The following SUGCT variants were observed in gnomAD, a reference collection of about 807,000 sequenced individuals.
The protein encoded by SUGCT is succinyl-CoA:glutarate-CoA transferase, also known as succinyl-CoA:glutarate CoA-transferase.
SUGCT carries 41 observed loss-of-function variants against 55.0 expected under a neutral mutation model. The ratio of observed to expected loss-of-function variants is 0.74; its 90% confidence interval spans 0.58 to 0.97. The LOEUF (loss-of-function observed/expected upper bound fraction) is 0.97. SUGCT is among the 50% of genes least tolerant of loss of function. The probability of loss-of-function intolerance (pLI) is 0.00; values close to 1 mark genes in which losing one functional copy is unlikely to be tolerated. For synonymous variants in SUGCT, 187 were observed against 200.4 expected (o/e 0.93, Z 0.56); for missense variants, 568 against 547.8 (o/e 1.04, Z -0.37).
chr7:40,446,058 A>G (rs924980620), intron 9 of SUGCT, among the ~76,000 whole-genome samples: 1 of 152,120 alleles, frequency 6.6e-6, no homozygotes, highest in East Asian at 1.9e-4. Flanking sequence ...TGGAGCTTCC[A>G]TTTCCTCCCA....
rs144851275 is a variant in SUGCT at position 40,343,039 on chromosome 7, T to C, written c.816+26184T>C. 1.8e-4 allele frequency among the ~76,000 whole-genome samples: 27 copies of C among 152,296 alleles called. No individual in the cohort carries two copies. The East Asian group carries it at 5.2e-3, about 29-fold the overall frequency. On this transcript the variant is annotated intron_variant, in intron 9 of 13. Transcript: ENST00000335693. ...TAGACACATGGCATATAAGAAGGTT[T>C]CTATGTGAAGTAATGACTGTTGGTG...
At chr7:40,498,813 G>A (rs1340795356) in intron 12 of SUGCT, among the ~76,000 whole-genome samples, 1 of 152,160 alleles carries the variant, frequency 6.6e-6, no homozygotes, top group Admixed American at 6.5e-5. Flanking sequence ...ACTTACCTTT[G>A]TGTAGTGGAT....
intron 12 of SUGCT, among the ~76,000 whole-genome samples, chr7:40,518,618 T>C (rs1050204205): frequency 2.0e-5 from 3 of 152,138 alleles, no homozygotes; most frequent in African/African-American, 7.2e-5. Flanking sequence ...GTATCCCAGA[T>C]GTCAGGAACT....
At chr7:40,661,660 C>G (rs1047977990) in intron 12 of SUGCT, among the ~76,000 whole-genome samples, 1 of 152,118 alleles carries the variant, frequency 6.6e-6, no homozygotes, top group Non-Finnish European at 1.5e-5. Context: ...CAACCAGATC[C>G]CCATTGATCT....
At chr7:40,670,388 C>T (rs963243981) in intron 12 of SUGCT, among the ~76,000 whole-genome samples, 4 of 151,652 alleles carry the variant, frequency 2.6e-5, no homozygotes, top group African/African-American at 9.7e-5. Context: ...ATGAAAAGAC[C>T]AATAAAATTG....
At chr7:40,833,021 T>C (rs947924907) in intron 13 of SUGCT, among the ~76,000 whole-genome samples, 1 of 152,010 alleles carries the variant, frequency 6.6e-6, no homozygotes, top group African/African-American at 2.4e-5. Context: ...CCTCGGTCCA[T>C]AGACCTCTGC....
At chr7:40,479,401 T>C (rs970536616) in intron 11 of SUGCT, among the ~76,000 whole-genome samples, 4 of 152,160 alleles carry the variant, frequency 2.6e-5, no homozygotes, top group African/African-American at 2.4e-5. Context: ...GTTTGTAGCC[T>C]AGCAGCAATA....
At chr7:40,194,328 C>T (rs1276326322) in intron 5 of SUGCT, among the ~76,000 whole-genome samples, 1 of 152,152 alleles carries the variant, frequency 6.6e-6, no homozygotes, top group Non-Finnish European at 1.5e-5. Flanking sequence ...GTGGCGCCAT[C>T]ACGGCTCATT....
intron 1 of SUGCT, among the ~76,000 whole-genome samples, chr7:40,156,702 A>G (rs1783914172): frequency 6.6e-6 from 1 of 152,158 alleles, no homozygotes; most frequent in Non-Finnish European, 1.5e-5. Flanking sequence ...TTTTAGGTAG[A>G]TGTCAGGTAT....
intron 7 of SUGCT, among the ~76,000 whole-genome samples, chr7:40,248,896 ACACACACACACACG>A (rs1790103223): frequency 3.2e-5 from 4 of 124,916 alleles, no homozygotes; most frequent in South Asian, 2.7e-4. Flanking sequence ...TCGCACACAC[ACACACACACACACG>A]CACACACACA....
rs200258086 is a variant in SUGCT at position 40,367,375 on chromosome 7, C to G, written c.816+50520C>G. ...GGCACATGTATACATATGTAACTAACCTGCACATTTTGCACCTATACCCTA... is the reference window on the plus strand; with the variant it reads ...GGCACATGTATACATATGTAACTAAGCTGCACATTTTGCACCTATACCCTA... On this transcript the variant is annotated intron_variant, in intron 9 of 13. Transcript: ENST00000335693. Among the ~76,000 whole-genome samples the G allele has an allele frequency of 1.9e-4, 28 of 151,304 alleles. 3 individuals carry two copies. In the East Asian group the frequency reaches 5.5e-3, roughly 29 times the overall value.
At chr7:40,653,233 T>C (rs531087592) in intron 12 of SUGCT, among the ~76,000 whole-genome samples, 113 of 152,310 alleles carry the variant, frequency 7.4e-4, no homozygotes, top group African/African-American at 2.7e-3. Context: ...TGGCATATAT[T>C]AAATGCATTT....
chr7:40,447,853 T>C (rs1788933776), intron 9 of SUGCT, among the ~76,000 whole-genome samples: 1 of 152,014 alleles, frequency 6.6e-6, no homozygotes, highest in Admixed American at 6.6e-5. Context: ...TACAGCACAG[T>C]TTTTATGTAG....
intron 12 of SUGCT, among the ~76,000 whole-genome samples, chr7:40,585,753 C>T (rs1797342990): frequency 6.6e-6 from 1 of 152,126 alleles, no homozygotes; most frequent in African/African-American, 2.4e-5. Flanking sequence ...GATTATATCT[C>T]ACTGTGGTCC....
chr7:40,428,052 C>T (rs1020125009), intron 9 of SUGCT, among the ~76,000 whole-genome samples: 1 of 152,042 alleles, frequency 6.6e-6, no homozygotes, highest in Non-Finnish European at 1.5e-5. Context: ...CCTTTTGCTC[C>T]ATCAGTGCTT....
rs373498131 is a variant in SUGCT, at chr7:40,154,588, C to T, written c.100+19468C>T. On this transcript the variant is annotated intron_variant, in intron 1 of 13. Transcript: ENST00000335693. ...GAACTCCTGGGCTCAAGCAATCCTC[C>T]CAAAGTTTTGGGATTACAGGTGTGA... Among the ~76,000 whole-genome samples, 60 of 152,084 alleles carry T rather than the reference C, an allele frequency of 3.9e-4. 1 individual carries two copies. The South Asian group carries it at 0.012, about 31-fold the overall frequency.
rs141761693 is a variant in SUGCT, at chr7:40,480,056, C to G, written c.987-16228C>G. Reference sequence around the variant, plus strand: ...CATTTGTCTATTTTTGCTTTTGTTGCTAGTGCTTTTATGGCCATAATCTAA... The same window carrying G: ...CATTTGTCTATTTTTGCTTTTGTTGGTAGTGCTTTTATGGCCATAATCTAA... On this transcript the variant is annotated intron_variant, in intron 11 of 13. Transcript: ENST00000335693. Among the ~76,000 whole-genome samples, 78 of 152,020 alleles carry G rather than the reference C, an allele frequency of 5.1e-4. 1 individual carries two copies. The highest frequency in any genetic ancestry group is 6.8e-3 in the Middle Eastern group (2 of 294).
chr7:40,741,749 C>T (rs140245659), intron 12 of SUGCT, among the ~76,000 whole-genome samples: 57 of 152,258 alleles, frequency 3.7e-4, no homozygotes, highest in African/African-American at 1.3e-3. Context: ...ATATTAATGG[C>T]CATGATTAGC....
At chr7:41,021,866 A>C in the SUGCT span, among the ~76,000 whole-genome samples, 13,875 of 152,132 alleles carry the variant, frequency 0.091, 1,283 homozygotes, top group African/African-American at 0.23. Context: ...AGACTCAATA[A>C]ACACAGATAT....
Sources: gnomAD v4.1 joint callset for allele counts (sites outside exome capture counted in the v4.1 genomes callset) on GRCh38, gnomAD v4.1.1 for gene constraint, MANE v1.5 for transcripts, NCBI Gene and HGNC (gene_info 2026-07-23, HGNC 2026-07-21) for gene names.